Variants in NBEA observed in about 807,000 individuals in gnomAD.
The protein encoded by NBEA is lysosomal-trafficking regulator 2.
In NBEA, 44 loss-of-function variants were observed where a neutral mutation model predicts 343.4. That is an observed-to-expected ratio of 0.13 (90% CI 0.10 to 0.16). The LOEUF (loss-of-function observed/expected upper bound fraction) is 0.16. Among genes scored for constraint, NBEA ranks in the 10% least tolerant of loss-of-function variants. The pLI is 1.00. For synonymous variants in NBEA, 1,175 were observed against 1,238.7 expected (o/e 0.95, Z 1.08); for missense variants, 2,555 against 3,631.3 (o/e 0.70, Z 7.62).
At chr13:35,414,733 T>C (rs1318388034) in intron 38 of NBEA, among the ~76,000 whole-genome samples, 1 of 152,212 alleles carries the variant, frequency 6.6e-6, no homozygotes, top group Non-Finnish European at 1.5e-5. Flanking sequence ...TATAATCCTT[T>C]GGGAATATGC....
intron 33 of NBEA, among the ~76,000 whole-genome samples, chr13:35,230,139 G>T (rs2074888672): frequency 6.6e-6 from 1 of 151,878 alleles, no homozygotes; most frequent in Admixed American, 6.6e-5. Flanking sequence ...TCTTAATAGG[G>T]ATTCACTTTC....
At chr13:35,568,076 G>A (rs2080220586) in intron 45 of NBEA, among the ~76,000 whole-genome samples, 1 of 152,128 alleles carries the variant, frequency 6.6e-6, no homozygotes, top group Admixed American at 6.5e-5. Flanking sequence ...CTAATGACAT[G>A]TACATTTAAA....
In NBEA at chr13:35,124,706, ATATG is replaced by A. The variant is rs576325341; in HGVS notation, c.2336+1137_2336+1140del. On this transcript the variant is annotated intron_variant, in intron 17 of 58. Coordinates refer to ENST00000379939, the MANE Select transcript of NBEA (RefSeq NM_001385012.1). ...CATGTATGGATATATATACACACAT[ATATG>A]TATGGATATATATACACATATGTAT... Among the ~76,000 whole-genome samples the A allele has an allele frequency of 4.0e-3, 600 of 151,534 alleles. 3 individuals carry two copies. The highest frequency in any genetic ancestry group is 0.014 in the African/African-American group (580 of 41,394).
At chr13:35,000,136 G>A (rs993691843) in intron 1 of NBEA, among the ~76,000 whole-genome samples, 1 of 152,034 alleles carries the variant, frequency 6.6e-6, no homozygotes, top group African/African-American at 2.4e-5. Context: ...TAGACATAAG[G>A]ACAATTTCAG....
chr13:35,267,617 T>A (rs570306333), intron 34 of NBEA, among the ~76,000 whole-genome samples: 31 of 151,834 alleles, frequency 2.0e-4, no homozygotes, highest in African/African-American at 7.2e-4. Context: ...AATAAGGGAT[T>A]TATATCCAGA....
intron 41 of NBEA, among the ~76,000 whole-genome samples, chr13:35,488,191 T>C (rs2076372899): frequency 1.3e-5 from 2 of 151,968 alleles, no homozygotes; most frequent in African/African-American, 2.4e-5. Flanking sequence ...TTTCTAAAAA[T>C]GTGTTCATAA....
chr13:35,296,461 G>A (rs2036139673), intron 35 of NBEA, among the ~76,000 whole-genome samples: 1 of 151,614 alleles, frequency 6.6e-6, no homozygotes, highest in Non-Finnish European at 1.5e-5. Flanking sequence ...TAAAATTGAG[G>A]GAAAAAAGAA....
At chr13:35,648,365 T>C (rs1015966289) in intron 51 of NBEA, among the ~76,000 whole-genome samples, 2 of 152,102 alleles carry the variant, frequency 1.3e-5, no homozygotes, top group African/African-American at 4.8e-5. Context: ...ATTGTAGACA[T>C]AGAGATGTGG....
intron 34 of NBEA, among the ~76,000 whole-genome samples, chr13:35,279,929 C>T: frequency 6.6e-6 from 1 of 152,040 alleles, no homozygotes; most frequent in East Asian, 1.9e-4. Flanking sequence ...GAGAAGTTAT[C>T]CATTTCTCCT....
chr13:35,366,726 T>A (rs1402299030), intron 38 of NBEA, among the ~76,000 whole-genome samples: 1 of 150,656 alleles, frequency 6.6e-6, no homozygotes, highest in African/African-American at 2.4e-5. Context: ...CTGAGGAAAT[T>A]GGAAAACTGA....
intron 40 of NBEA, among the ~76,000 whole-genome samples, chr13:35,458,174 C>T (rs2046686784): frequency 6.6e-6 from 1 of 152,194 alleles, no homozygotes; most frequent in Non-Finnish European, 1.5e-5. Context: ...TTTGAATTCT[C>T]ATCAGCGGCA....
At chr13:35,188,845 C>T (rs555150555) in intron 30 of NBEA, among the ~76,000 whole-genome samples, 59 of 151,278 alleles carry the variant, frequency 3.9e-4, no homozygotes, top group African/African-American at 1.4e-3. Context: ...TCATTCCTAT[C>T]AACAGTGTGC....
chr13:35,017,403 A>T (rs573877523), intron 1 of NBEA, among the ~76,000 whole-genome samples: 9 of 152,148 alleles, frequency 5.9e-5, no homozygotes, highest in Non-Finnish European at 1.2e-4. Context: ...TGTTTTCTAA[A>T]GTGGCTGTGT....
At chr13:35,486,402 C>T (rs1196844985) in intron 41 of NBEA, among the ~76,000 whole-genome samples, 1 of 152,032 alleles carries the variant, frequency 6.6e-6, no homozygotes, top group African/African-American at 2.4e-5. Context: ...TTTCAATTTA[C>T]AAAGGATTTA....
At chr13:35,324,820 G>A (rs1163188372) in intron 36 of NBEA, among the ~76,000 whole-genome samples, 1 of 152,084 alleles carries the variant, frequency 6.6e-6, no homozygotes, top group Admixed American at 6.6e-5. Context: ...ATTGCAGAAG[G>A]TTTCTTTTGA....
intron 1 of NBEA, among the ~76,000 whole-genome samples, chr13:34,998,768 G>A (rs1016626487): frequency 1.3e-5 from 2 of 151,962 alleles, no homozygotes; most frequent in Non-Finnish European, 2.9e-5. Context: ...CACACATGCT[G>A]TACAATTTGT....
chr13:35,537,709 T>G (rs1173874412), intron 41 of NBEA, among the ~76,000 whole-genome samples: 1 of 152,020 alleles, frequency 6.6e-6, no homozygotes, highest in East Asian at 1.9e-4. Context: ...AGGGAAGATA[T>G]TTCCAGAGAG....
chr13:34,950,941 C>T (rs1016827044), intron 1 of NBEA, among the ~76,000 whole-genome samples: 10 of 152,102 alleles, frequency 6.6e-5, no homozygotes, highest in East Asian at 3.9e-4. Flanking sequence ...GCTGTGATCA[C>T]GTCACTGCAT....
chr13:35,143,507 G>GT lies in NBEA; in HGVS notation c.2445+1130_2445+1131insT, dbSNP rs573862747. Among the ~76,000 whole-genome samples, 389 of 151,602 alleles carry GT rather than the reference G, an allele frequency of 2.6e-3. 3 individuals carry two copies. Among genetic ancestry groups the GT allele is most frequent in the Non-Finnish European group, 4.2e-3 (286 of 67,838 alleles). On this transcript the variant is annotated intron_variant, in intron 18 of 58. Transcript: ENST00000379939. Reference sequence around the variant, plus strand: ...ATTTTGTTATAGATTTAGATGGCAAGGCCTTGCGTCTGTTATACAAGGGCA... The same window carrying GT: ...ATTTTGTTATAGATTTAGATGGCAAGTGCCTTGCGTCTGTTATACAAGGGCA...
Sources: allele counts gnomAD v4.1 joint callset (sites outside exome capture counted in the v4.1 genomes callset), GRCh38; gene constraint gnomAD v4.1.1; transcripts MANE v1.5; gene names NCBI Gene and HGNC (gene_info 2026-07-23, HGNC 2026-07-21).